SVIL: variants seen among roughly 807,000 people sequenced by gnomAD.
SVIL encodes archvillin.
In SVIL, 101 loss-of-function variants were observed where a neutral mutation model predicts 240.4. The observed-to-expected ratio is 0.42, with a 90% CI of 0.36 to 0.50. The LOEUF (loss-of-function observed/expected upper bound fraction) is 0.50, where lower values mean the gene tolerates loss of function less well. Ranked by LOEUF, SVIL falls within the 20% of genes least tolerant of loss-of-function variation. The probability of loss-of-function intolerance (pLI) is 0.01; values close to 1 mark genes in which losing one functional copy is unlikely to be tolerated. For missense variants in SVIL, 2,512 were observed against 2,818.7 expected, an observed-to-expected ratio of 0.89 and a Z score of 2.46; for synonymous variants, 999 against 1,100.0, an observed-to-expected ratio of 0.91 and a Z score of 1.82.
Position 29,465,892 on chromosome 10 carries a change from G to A in SVIL, c.5978-142C>T, listed in dbSNP as rs1944852157. On this transcript the variant is annotated intron_variant, in intron 33 of 37. Transcript: ENST00000355867. The stretch of plus-strand genomic sequence containing the variant: ...TTATCTGAGCTTCAAGGTGGAGAAA[G>A]CCTTTTCAAGTGCAATAGTAAAAGA... The A allele has an allele frequency of 3.9e-6, 4 of 1,026,768 alleles. No homozygotes were observed. In the East Asian group the frequency reaches 8.2e-5, roughly 21 times the overall value. The allele number at this position is 1,026,768 out of a possible 1,614,324, so 63.6% of individuals were successfully genotyped here.
At chr10:29,646,208 GAC>G (rs1491044856) in intron 3 of SVIL, among the ~76,000 whole-genome samples, 2 of 152,158 alleles carry the variant, frequency 1.3e-5, no homozygotes, top group African/African-American at 4.8e-5. Flanking sequence ...ATCCCTCACA[GAC>G]ACCCCCCTGC....
At chr10:29,554,995 A>C in intron 4 of SVIL, 56 bp downstream of exon 4, 1 of 1,611,152 alleles carries the variant, frequency 6.2e-7, no homozygotes, top group South Asian at 1.1e-5. Context: ...AGGAAAATGG[A>C]ATACTGCTTT....
intron 16 of SVIL, among the ~76,000 whole-genome samples, chr10:29,516,760 G>A (rs1184291704): frequency 2.0e-5 from 3 of 152,178 alleles, no homozygotes; most frequent in Non-Finnish European, 2.9e-5. Flanking sequence ...CGTGACAGGT[G>A]CCTGCCAGGA....
At chr10:29,625,904 T>G (rs1224652550) in intron 1 of SVIL, among the ~76,000 whole-genome samples, 2 of 152,182 alleles carry the variant, frequency 1.3e-5, no homozygotes, top group Non-Finnish European at 1.5e-5. Flanking sequence ...CATGCCGGGT[T>G]TTTTGGGGTC....
intron 26 of SVIL, 35 bp downstream of exon 26, chr10:29,486,050 G>C (rs757068961): frequency 3.8e-6 from 6 of 1,578,454 alleles, no homozygotes; most frequent in Admixed American, 3.4e-5. Flanking sequence ...TTTCAATGTG[G>C]TTTCTCACTG....
intron 3 of SVIL, among the ~76,000 whole-genome samples, chr10:29,557,463 G>A (rs747705699): frequency 6.6e-6 from 1 of 152,012 alleles, no homozygotes; most frequent in Non-Finnish European, 1.5e-5. Flanking sequence ...TTAATAAACC[G>A]AGTATCATGT....
intron 1 of SVIL, among the ~76,000 whole-genome samples, chr10:29,718,281 G>A (rs113617817): frequency 0.046 from 6,965 of 151,412 alleles, 257 homozygotes; most frequent in South Asian, 0.19. Flanking sequence ...AGCCGAGATC[G>A]CGCCACTGCA....
At chr10:29,606,806 G>A (rs1410842003) in intron 1 of SVIL, among the ~76,000 whole-genome samples, 2 of 152,086 alleles carry the variant, frequency 1.3e-5, no homozygotes, top group African/African-American at 4.8e-5. Flanking sequence ...CCAGGCTGGA[G>A]TGCAGTGGCA....
At position 29,592,618 on chromosome 10, in the gene SVIL, A is replaced by G. The variant is rs561205721; in HGVS notation, c.-200-23306T>C. Among the ~76,000 whole-genome samples, 9 of 152,332 alleles carry G rather than the reference A, an allele frequency of 5.9e-5. 1 individual carries two copies. The South Asian group carries it at 1.9e-3, about 32-fold the overall frequency. On this transcript the variant is annotated intron_variant, in intron 1 of 37. Transcript: ENST00000355867. The stretch of plus-strand genomic sequence containing the variant: ...CTGACAGTTACGTAGGAAGGGGAGG[A>G]GCATTTTCCAGACCCAATATTTGAT...
chr10:29,514,346 C>G (rs1425038153), intron 16 of SVIL, among the ~76,000 whole-genome samples: 1 of 151,462 alleles, frequency 6.6e-6, no homozygotes, highest in Non-Finnish European at 1.5e-5. Flanking sequence ...AAGCGACAAT[C>G]CTGCCTCGGC....
intron 1 of SVIL, among the ~76,000 whole-genome samples, chr10:29,692,415 A>G (rs1010254599): frequency 1.3e-5 from 2 of 152,046 alleles, no homozygotes; most frequent in Non-Finnish European, 2.9e-5. Context: ...TAATCTCTCA[A>G]AACCTCTTTC....
Position 29,544,924 on chromosome 10 carries a change from C to T in SVIL, c.827+5673G>A, listed in dbSNP as rs940651007. ...GGGTACAGGGACTGAAAGGTGAAGC[C>T]AATTCCATTCCAGTAATAGAATAAG... On this transcript the variant is annotated intron_variant, in intron 6 of 37. Transcript: ENST00000355867. 28 of 514,634 alleles carry T rather than the reference C, an allele frequency of 5.4e-5. No homozygotes were observed. The Middle Eastern group carries it at 1.6e-3, about 29-fold the overall frequency. 31.9% of individuals were successfully genotyped at this position (514,634 alleles called of 1,614,324 possible). A position where few individuals can be genotyped will look rare whatever the true frequency, so the allele number is the denominator to read the frequency against.
At chr10:29,647,707 A>G (rs1389974824) in intron 3 of SVIL, among the ~76,000 whole-genome samples, 1 of 152,002 alleles carries the variant, frequency 6.6e-6, no homozygotes, top group Non-Finnish European at 1.5e-5. Flanking sequence ...GTGTATTTCG[A>G]GTCTTCCACA....
intron 1 of SVIL, among the ~76,000 whole-genome samples, chr10:29,718,598 C>G (rs1354381445): frequency 1.3e-5 from 2 of 152,050 alleles, no homozygotes; most frequent in Non-Finnish European, 2.9e-5. Context: ...ACTCCCAGAG[C>G]CGAGAATCTG....
intron 2 of SVIL, among the ~76,000 whole-genome samples, chr10:29,563,898 AATACAT>A (rs1441629631): frequency 9.7e-6 from 1 of 103,424 alleles, no homozygotes; most frequent in African/African-American, 3.8e-5. Flanking sequence ...AATACATCTT[AATACAT>A]CTCCCCCATG....
intron 17 of SVIL, among the ~76,000 whole-genome samples, chr10:29,509,886 T>C (rs977355394): frequency 6.6e-6 from 1 of 152,166 alleles, no homozygotes; most frequent in Non-Finnish European, 1.5e-5. Flanking sequence ...GCTTAATATC[T>C]ATTCACAGGC....
At chr10:29,678,030 G>A (rs1960333666) in intron 2 of SVIL, among the ~76,000 whole-genome samples, 1 of 151,972 alleles carries the variant, frequency 6.6e-6, no homozygotes, top group Non-Finnish European at 1.5e-5. Context: ...GTGAAGCCAG[G>A]GTCTACCTTA....
chr10:29,682,809 GT>G (rs1394162047), intron 2 of SVIL, among the ~76,000 whole-genome samples: 1 of 152,222 alleles, frequency 6.6e-6, no homozygotes, highest in African/African-American at 2.4e-5. Context: ...TTCACCTCAT[GT>G]TTAATGACTA....
Position 29,495,265 on chromosome 10 carries a change from C to A in SVIL, c.3665-84G>T. 4 of 753,458 alleles carry A rather than the reference C, an allele frequency of 5.3e-6. 1 individual carries two copies. In the South Asian group the frequency reaches 7.1e-5, roughly 13 times the overall value. The allele number at this position is 753,458 out of a possible 1,614,324, so 46.7% of individuals were successfully genotyped here. ...GACCCTGGTGGATCTCCAGAAATCC[C>A]AGGGTAGACGGCACAACATATAAGA... is the stretch of plus-strand genomic sequence containing the variant. On this transcript the variant is annotated intron_variant, in intron 18 of 37. Transcript: ENST00000355867.
Sources: gnomAD v4.1 joint callset for allele counts (sites outside exome capture counted in the v4.1 genomes callset) on GRCh38, gnomAD v4.1.1 for gene constraint, MANE v1.5 for transcripts, NCBI Gene and HGNC (gene_info 2026-07-23, HGNC 2026-07-21) for gene names.